The following CA10 variants were observed in gnomAD, a reference collection of about 807,000 sequenced individuals.
CA10 encodes carbonic anhydrase 10 (inactive), also known as carbonic anhydrase-related protein 10.
CA10 carries 14 observed loss-of-function variants against 44.2 expected under a neutral mutation model. The observed-to-expected ratio is 0.32, with a 90% CI of 0.21 to 0.50. CA10 has a LOEUF of 0.50. Ranked by LOEUF, CA10 falls within the 20% of genes least tolerant of loss-of-function variation. The pLI, the probability that CA10 is intolerant of heterozygous loss-of-function variation, is 0.99. For synonymous variants in CA10, 159 were observed against 141.6 expected, an observed-to-expected ratio of 1.12 and a Z score of -0.87; for missense variants, 350 against 409.7, an observed-to-expected ratio of 0.85 and a Z score of 1.26.
At chr17:51,699,442 C>T (rs531171374) in intron 4 of CA10, among the ~76,000 whole-genome samples, 1 of 152,124 alleles carries the variant, frequency 6.6e-6, no homozygotes, top group South Asian at 2.1e-4. Context: ...TAACCTCCTC[C>T]CCTTCTTGCA....
At chr17:51,993,172 C>CT (rs2144107035) in intron 2 of CA10, among the ~76,000 whole-genome samples, 1 of 152,174 alleles carries the variant, frequency 6.6e-6, no homozygotes, top group East Asian at 1.9e-4. Flanking sequence ...TTTGGCAGCA[C>CT]TTAGGTAGTC....
chr17:51,856,287 T>C (rs191029966), intron 3 of CA10, among the ~76,000 whole-genome samples: 83 of 152,254 alleles, frequency 5.5e-4, no homozygotes, highest in Non-Finnish European at 8.7e-4. Flanking sequence ...AAACTCATAG[T>C]TTGTTTCCCG....
At chr17:51,962,704 G>C (rs948404910) in intron 2 of CA10, among the ~76,000 whole-genome samples, 1 of 152,078 alleles carries the variant, frequency 6.6e-6, no homozygotes, top group Non-Finnish European at 1.5e-5. Context: ...CACAGGGAGT[G>C]GGGGGAAAGA....
intron 4 of CA10, among the ~76,000 whole-genome samples, chr17:51,742,047 C>G (rs1273176457): frequency 6.6e-6 from 1 of 152,186 alleles, no homozygotes; most frequent in African/African-American, 2.4e-5. Context: ...ACTTGGTCCA[C>G]AGGGTATGGT....
chr17:51,716,512 C>T (rs1221627459), intron 4 of CA10, among the ~76,000 whole-genome samples: 1 of 152,158 alleles, frequency 6.6e-6, no homozygotes, highest in Admixed American at 6.5e-5. Flanking sequence ...CACCCATTGG[C>T]TAACTTCTCT....
In CA10 at chr17:52,079,847, GTCTT is replaced by G. The variant is rs796223698; in HGVS notation, c.62-7458_62-7455del. Among the ~76,000 whole-genome samples the G allele has an allele frequency of 2.0e-3, 310 of 151,706 alleles. 2 individuals are homozygous for G. The highest frequency in any genetic ancestry group is 7.0e-3 in the African/African-American group (287 of 41,008). On this transcript the variant is annotated intron_variant, in intron 1 of 8. Coordinates refer to ENST00000451037, the MANE Select transcript of CA10 (RefSeq NM_020178.5). ...CATACCTGGAACTATTTACATCTCT[GTCTT>G]TCTTTGCTTTTCCTGAATTCGCAAG...
chr17:51,850,713 G>A (rs777193658), intron 3 of CA10, among the ~76,000 whole-genome samples: 6 of 152,180 alleles, frequency 3.9e-5, no homozygotes, highest in Non-Finnish European at 2.9e-5. Flanking sequence ...GCACACCACT[G>A]TATCCTCAGC....
rs954236572 is a variant in CA10 at position 52,158,502 on chromosome 17, C to G, written c.-716G>C. The G allele has an allele frequency of 6.5e-6, 1 of 154,910 alleles. No individual in the cohort carries two copies. The highest frequency in any genetic ancestry group is 2.4e-5 in the African/African-American group (1 of 41,438). The allele number at this position is 154,910 out of a possible 1,614,324, so 9.6% of individuals were successfully genotyped here. A position where few individuals can be genotyped will look rare whatever the true frequency, so the allele number is the denominator to read the frequency against. The stretch of plus-strand genomic sequence containing the variant: ...CCTGCTCCCCAGGTCCGCGCGCAGC[C>G]TGCAGCCTCTCAGCCGGGTTCCGGC... On this transcript the variant is annotated 5_prime_UTR_variant, in exon 1 of 9. Coordinates refer to ENST00000451037, the MANE Select transcript of CA10 (RefSeq NM_020178.5).
At chr17:51,984,212 T>TAAG (rs939836488) in intron 2 of CA10, among the ~76,000 whole-genome samples, 2 of 151,368 alleles carry the variant, frequency 1.3e-5, no homozygotes, top group African/African-American at 2.4e-5. Flanking sequence ...CAAACACAAA[T>TAAG]AAGAAGAAAC....
At position 52,158,101 on chromosome 17, in the gene CA10, A is replaced by AGCGGCGGCGGCGGCG; in HGVS notation, c.-330_-316dup. 2.0e-6 allele frequency: 1 copy of AGCGGCGGCGGCGGCG among 491,336 alleles called. No homozygotes were observed. Among genetic ancestry groups the AGCGGCGGCGGCGGCG allele is most frequent in the East Asian group, 4.1e-5 (1 of 24,224 alleles). The allele number at this position is 491,336 out of a possible 1,614,324, so 30.4% of individuals were successfully genotyped here. ...CACCAGCGGCGGAAACCGCACTAGC[A>AGCGGCGGCGGCGGCG]GCGGCGGCGGCGGCGGCGGCGGCAG... On this transcript the variant is annotated 5_prime_UTR_variant, in exon 1 of 9. Transcript: ENST00000451037.
intron 1 of CA10, among the ~76,000 whole-genome samples, chr17:52,073,862 A>G (rs1265257129): frequency 2.0e-5 from 3 of 152,212 alleles, no homozygotes; most frequent in Non-Finnish European, 2.9e-5. Flanking sequence ...GGAAGATTCA[A>G]CTGAGACTCT....
At chr17:52,107,440 CA>C (rs1988684381) in intron 1 of CA10, among the ~76,000 whole-genome samples, 1 of 152,024 alleles carries the variant, frequency 6.6e-6, no homozygotes, top group African/African-American at 2.4e-5. Context: ...TTTCCTATGA[CA>C]ATTTTCTAGA....
At chr17:52,115,523 T>C (rs915273391) in intron 1 of CA10, among the ~76,000 whole-genome samples, 1 of 152,202 alleles carries the variant, frequency 6.6e-6, no homozygotes, top group African/African-American at 2.4e-5. Flanking sequence ...CCAGCCCAGT[T>C]TTTTCTATGG....
intron 7 of CA10, 71 bp from the exon 8 acceptor site, chr17:51,633,721 G>C (rs539243826): frequency 1.0e-5 from 16 of 1,536,850 alleles, no homozygotes; most frequent in Non-Finnish European, 1.4e-5. Flanking sequence ...TAAGACCACA[G>C]AGACTCTGGC....
At chr17:51,937,300 CTCTCT>C (rs1982904481) in intron 2 of CA10, among the ~76,000 whole-genome samples, 1 of 152,152 alleles carries the variant, frequency 6.6e-6, no homozygotes, top group South Asian at 2.1e-4. Context: ...CTGTCTCTTC[CTCTCT>C]TCTCAACTGT....
At chr17:52,006,358 C>A (rs182318870) in intron 2 of CA10, among the ~76,000 whole-genome samples, 2 of 151,770 alleles carry the variant, frequency 1.3e-5, no homozygotes, top group South Asian at 2.1e-4. Flanking sequence ...TAAAATATCA[C>A]AATAAAAATT....
chr17:51,844,354 TAACAAAAGTTG>T (rs1262421639), intron 3 of CA10, among the ~76,000 whole-genome samples: 1 of 152,204 alleles, frequency 6.6e-6, no homozygotes. Flanking sequence ...AGAAAAATTG[TAACAAAAGTTG>T]AAACATGACA....
chr17:51,845,921 T>G (rs1262182521), intron 3 of CA10, among the ~76,000 whole-genome samples: 1 of 152,232 alleles, frequency 6.6e-6, no homozygotes, highest in African/African-American at 2.4e-5. Flanking sequence ...TGGACATGAA[T>G]GCTAACATTG....
intron 2 of CA10, among the ~76,000 whole-genome samples, chr17:52,070,950 T>A (rs992192398): frequency 6.6e-6 from 1 of 152,212 alleles, no homozygotes; most frequent in African/African-American, 2.4e-5. Flanking sequence ...TTTCTCTAAT[T>A]CCATACTCAA....
Sources: gnomAD v4.1 joint callset for allele counts (sites outside exome capture counted in the v4.1 genomes callset) on GRCh38, gnomAD v4.1.1 for gene constraint, MANE v1.5 for transcripts, NCBI Gene and HGNC (gene_info 2026-07-23, HGNC 2026-07-21) for gene names.